The following CD36 variants were observed in gnomAD, a reference collection of about 807,000 sequenced individuals.
CD36 encodes the protein CD36 molecule (CD36 blood group).
A neutral mutation model predicts 55.2 loss-of-function variants in CD36; 119 were observed. The observed-to-expected ratio is 2.15, with a 90% CI of 1.86 to 2.51. The LOEUF (loss-of-function observed/expected upper bound fraction) is 2.51. Among genes scored for constraint, CD36 ranks in the 30% most tolerant of loss-of-function variants. CD36 has a pLI of 0.00. For missense variants in CD36, 819 were observed against 555.5 expected, an observed-to-expected ratio of 1.47 and a Z score of -4.77; for synonymous variants, 186 against 193.6, an observed-to-expected ratio of 0.96 and a Z score of 0.33.
intron 6 of CD36, 95 bp downstream of exon 6, chr7:80,663,264 T>C: frequency 9.5e-7 from 1 of 1,057,306 alleles, no homozygotes; most frequent in Admixed American, 1.8e-5. Flanking sequence ...AGCTCATTAG[T>C]CTTATTGCTG....
intron 1 of CD36, among the ~76,000 whole-genome samples, chr7:80,618,878 AG>A (rs1793309133): frequency 1.3e-5 from 2 of 152,240 alleles, no homozygotes; most frequent in African/African-American, 4.8e-5. Context: ...GATCTAGCTA[AG>A]ATCATTAGTG....
At chr7:80,668,960 T>A (rs1797387852) in intron 8 of CD36, among the ~76,000 whole-genome samples, 1 of 152,182 alleles carries the variant, frequency 6.6e-6, no homozygotes, top group African/African-American at 2.4e-5. Context: ...AAAAAGTAAA[T>A]TCAATAAATG....
intron 1 of CD36, among the ~76,000 whole-genome samples, chr7:80,624,659 G>A (rs1394667987): frequency 6.6e-6 from 1 of 151,878 alleles, no homozygotes; most frequent in African/African-American, 2.4e-5. Context: ...GCACTTTGAG[G>A]CCAGGAGTTC....
intron 3 of CD36, among the ~76,000 whole-genome samples, chr7:80,648,821 A>G (rs1265017778): frequency 1.3e-5 from 2 of 152,126 alleles, no homozygotes; most frequent in African/African-American, 4.8e-5. Context: ...AAAGTCTCAA[A>G]TAACTGCAGT....
intron 3 of CD36, among the ~76,000 whole-genome samples, chr7:80,652,162 A>G (rs938623748): frequency 2.0e-5 from 3 of 152,200 alleles, no homozygotes; most frequent in African/African-American, 7.2e-5. Context: ...ATTAAACACT[A>G]TGTATATGTG....
chr7:80,613,936 T>A (rs1464792), intron 1 of CD36, among the ~76,000 whole-genome samples: 1 of 151,982 alleles, frequency 6.6e-6, no homozygotes, highest in Non-Finnish European at 1.5e-5. Context: ...TTTGGGTGTC[T>A]ATATTTTGTA....
chr7:80,635,611 G>A (rs1159834123), upstream of CD36, among the ~76,000 whole-genome samples: 2 of 152,050 alleles, frequency 1.3e-5, no homozygotes, highest in Non-Finnish European at 2.9e-5. Context: ...GTCAGGCTCT[G>A]TGCTAAATCC....
upstream of CD36, chr7:80,636,897 G>T (rs570197634): frequency 6.6e-6 from 1 of 152,092 alleles, no homozygotes; most frequent in East Asian, 1.9e-4. Context: ...GCTGTCTCTG[G>T]GAATGTAAAT....
At chr7:80,616,955 AT>A (rs2115847751) in intron 1 of CD36, among the ~76,000 whole-genome samples, 1 of 152,318 alleles carries the variant, frequency 6.6e-6, no homozygotes, top group South Asian at 2.1e-4. Context: ...CAGTGTCAGC[AT>A]TTTGTTATAT....
At chr7:80,621,268 G>T (rs138071124) in intron 1 of CD36, among the ~76,000 whole-genome samples, 1 of 152,152 alleles carries the variant, frequency 6.6e-6, no homozygotes, top group African/African-American at 2.4e-5. Context: ...CAAAATTTGT[G>T]TGACTCAGTT....
chr7:80,663,947 A>G (rs1796768750), intron 6 of CD36, among the ~76,000 whole-genome samples: 1 of 151,498 alleles, frequency 6.6e-6, no homozygotes, highest in Middle Eastern at 3.2e-3. Flanking sequence ...ATTTTAACTC[A>G]ATACTCATAG....
intron 1 of CD36, among the ~76,000 whole-genome samples, chr7:80,630,828 T>C (rs1255714291): frequency 6.6e-6 from 1 of 151,986 alleles, no homozygotes; most frequent in Non-Finnish European, 1.5e-5. Context: ...TAAATGCAGC[T>C]TGGGAAAATA....
chr7:80,628,772 G>A (rs191216127), intron 1 of CD36, among the ~76,000 whole-genome samples: 1 of 152,114 alleles, frequency 6.6e-6, no homozygotes, highest in Admixed American at 6.6e-5. Context: ...ATTTTAGGAA[G>A]ACCTGAGACA....
At chr7:80,622,873 A>G (rs1297015715) in intron 1 of CD36, among the ~76,000 whole-genome samples, 1 of 152,190 alleles carries the variant, frequency 6.6e-6, no homozygotes, top group Non-Finnish European at 1.5e-5. Flanking sequence ...TACCTAGACC[A>G]ATTTGGACAG....
intron 4 of CD36, among the ~76,000 whole-genome samples, chr7:80,659,109 T>C (rs553414247): frequency 6.6e-6 from 1 of 152,302 alleles, no homozygotes. Flanking sequence ...AATAGTCTTT[T>C]ATTGTTTGCC....
Position 80,646,642 on chromosome 7 carries a change from C to A in CD36, c.-89-10C>A, listed in dbSNP as rs1207141712. ...TAAGCTTCTGTTTTATGATCTCTTT[C>A]TAATGATAGAACCAGAGCTTGTAGA... On this transcript the variant is annotated splice_polypyrimidine_tract_variant and intron_variant, in intron 2 of 14. Transcript: ENST00000447544. 1.4e-6 allele frequency: 2 copies of A among 1,409,186 alleles called. No homozygotes were observed. Among genetic ancestry groups the A allele is most frequent in the African/African-American group, 1.4e-5 (1 of 70,722 alleles). 87.3% of individuals were successfully genotyped at this position (1,409,186 alleles called of 1,614,324 possible).
At chr7:80,626,223 T>C (rs1471756332) in intron 1 of CD36, 2 of 152,082 alleles carry the variant, frequency 1.3e-5, no homozygotes, top group Non-Finnish European at 2.9e-5. Context: ...CAAATCTCCA[T>C]ATTTTGCTGG....
chr7:80,604,350 A>AATTTTTTTT (rs1792414899), intron 1 of CD36, among the ~76,000 whole-genome samples: 1 of 54,278 alleles, frequency 1.8e-5, no homozygotes, highest in Non-Finnish European at 4.2e-5. Context: ...AGCCACTGGA[A>AATTTTTTTT]TTTTTTTTTT....
At chr7:80,670,349 A>T (rs1354133690) in intron 9 of CD36, 1 of 341,644 alleles carries the variant, frequency 2.9e-6, no homozygotes, top group Non-Finnish European at 5.5e-6. Flanking sequence ...CTCTGCTCAG[A>T]TTTGTGGGGC....
Sources: allele counts gnomAD v4.1 joint callset (sites outside exome capture counted in the v4.1 genomes callset), GRCh38; gene constraint gnomAD v4.1.1; transcripts MANE v1.5; gene names NCBI Gene and HGNC (gene_info 2026-07-23, HGNC 2026-07-21).